The following VSTM4 variants were observed in gnomAD, a reference collection of about 807,000 sequenced individuals.
VSTM4 encodes the protein V-set and transmembrane domain containing 4, also known as V-set and transmembrane domain-containing protein 4.
A neutral mutation model predicts 36.4 loss-of-function variants in VSTM4; 20 were observed. The ratio of observed to expected loss-of-function variants is 0.55; its 90% CI spans 0.39 to 0.80. VSTM4 has a LOEUF of 0.80. Among genes scored for constraint, VSTM4 ranks in the 30% least tolerant of loss-of-function variants. VSTM4 has a pLI of 0.00. For missense variants in VSTM4, 392 were observed against 404.5 expected (o/e 0.97, Z 0.26); for synonymous variants, 182 against 173.9 (o/e 1.05, Z -0.37).
intron 2 of VSTM4, among the ~76,000 whole-genome samples, chr10:49,101,787 T>C (rs1007587866): frequency 3.3e-5 from 5 of 152,222 alleles, no homozygotes; most frequent in African/African-American, 1.2e-4. Flanking sequence ...TACAAGGATT[T>C]CACTGAAGCA....
rs939727963 is a variant in VSTM4 at position 49,088,757 on chromosome 10, T to C, written c.458-2734A>G. On this transcript the variant is annotated intron_variant, in intron 2 of 7. Coordinates refer to ENST00000332853, the MANE Select transcript of VSTM4 (RefSeq NM_001031746.5). ...CTGAAAAAGCTTGGCTGGATTTCCA[T>C]GGCTTCAGCTAATCAAGCCTAGATA... Among the ~76,000 whole-genome samples the C allele has an allele frequency of 2.4e-4, 36 of 152,250 alleles. 2 individuals are homozygous for C. Among genetic ancestry groups the C allele is most frequent in the Non-Finnish European group, 4.4e-5 (3 of 68,042 alleles).
At chr10:49,053,608 T>C (rs921630888) in intron 5 of VSTM4, among the ~76,000 whole-genome samples, 3 of 152,210 alleles carry the variant, frequency 2.0e-5, no homozygotes, top group African/African-American at 7.2e-5. Context: ...AAATAGCAAC[T>C]GACCCTAGTC....
intron 7 of VSTM4, among the ~76,000 whole-genome samples, chr10:49,031,703 T>C (rs1029971931): frequency 2.6e-5 from 4 of 152,206 alleles, no homozygotes; most frequent in Admixed American, 2.6e-4. Flanking sequence ...CTGCACACAG[T>C]TCTCCAGTGG....
chr10:49,019,964 T>C (rs754171765), intron 7 of VSTM4, among the ~76,000 whole-genome samples, 189 bp from the exon 8 acceptor site: 8 of 152,186 alleles, frequency 5.3e-5, no homozygotes, highest in Admixed American at 2.6e-4. Flanking sequence ...TTGTCTTCTA[T>C]AGAGCACTAC....
chr10:49,067,627 GGA>G (rs1388496033), intron 4 of VSTM4, among the ~76,000 whole-genome samples: 1 of 152,250 alleles, frequency 6.6e-6, no homozygotes, highest in East Asian at 1.9e-4. Context: ...CTAAAGCCCA[GGA>G]GAGAGGCTTC....
At chr10:49,077,643 C>T (rs1037023033) in intron 3 of VSTM4, among the ~76,000 whole-genome samples, 1 of 152,174 alleles carries the variant, frequency 6.6e-6, no homozygotes. Context: ...ATAAACCTCA[C>T]CTTTTATTCA....
At chr10:49,073,756 T>C (rs1272252204) in intron 4 of VSTM4, among the ~76,000 whole-genome samples, 1 of 152,150 alleles carries the variant, frequency 6.6e-6, no homozygotes, top group Non-Finnish European at 1.5e-5. Context: ...CTGTGATATA[T>C]AGGAAAGTCC....
At chr10:49,029,055 C>G (rs965590681) in intron 7 of VSTM4, among the ~76,000 whole-genome samples, 1 of 152,222 alleles carries the variant, frequency 6.6e-6, no homozygotes, top group African/African-American at 2.4e-5. Context: ...ACTGCACATA[C>G]AACTATAGCC....
intron 1 of VSTM4, among the ~76,000 whole-genome samples, chr10:49,111,453 A>G (rs997169130): frequency 3.3e-5 from 5 of 152,160 alleles, no homozygotes; most frequent in Non-Finnish European, 5.9e-5. Context: ...ATGCATGCCC[A>G]GCTTGTCAGA....
chr10:49,089,699 T>G (rs184806243), intron 2 of VSTM4, among the ~76,000 whole-genome samples: 3 of 152,346 alleles, frequency 2.0e-5, no homozygotes, highest in East Asian at 3.9e-4. Context: ...AGTCCTAATC[T>G]TACTTGTTCC....
chr10:49,065,864 C>T (rs1178165104), intron 4 of VSTM4, among the ~76,000 whole-genome samples: 2 of 152,050 alleles, frequency 1.3e-5, no homozygotes, highest in Admixed American at 6.6e-5. Flanking sequence ...TGGAACTGTA[C>T]AGGTTTATCT....
chr10:49,027,403 C>T (rs1843279400), intron 7 of VSTM4, among the ~76,000 whole-genome samples: 1 of 152,172 alleles, frequency 6.6e-6, no homozygotes, highest in Non-Finnish European at 1.5e-5. Context: ...TCCACTCATG[C>T]CTCCTGCTGT....
Position 49,088,336 on chromosome 10 carries a change from C to A in VSTM4, c.458-2313G>T, listed in dbSNP as rs117302833. 1.7e-3 allele frequency among the ~76,000 whole-genome samples: 263 copies of A among 152,264 alleles called. 4 individuals are homozygous for A. The East Asian group carries it at 0.046, about 27-fold the overall frequency. ...TTCCTCCCAAAGGAAGCAACCTGGACCTCCAGGAAGGAGCTCTTAGTGAAT... is the reference window on the plus strand; with the variant it reads ...TTCCTCCCAAAGGAAGCAACCTGGAACTCCAGGAAGGAGCTCTTAGTGAAT... On this transcript the variant is annotated intron_variant, in intron 2 of 7. Transcript: ENST00000332853.
intron 2 of VSTM4, among the ~76,000 whole-genome samples, chr10:49,091,538 C>A (rs879491634): frequency 6.6e-5 from 10 of 152,212 alleles, no homozygotes; most frequent in Non-Finnish European, 1.3e-4. Context: ...GAAACCATCA[C>A]TCAGAGAGGT....
In VSTM4 at chr10:49,032,909, G is replaced by A. The variant is rs114961398; in HGVS notation, c.838-13134C>T. Among the ~76,000 whole-genome samples, 742 of 150,896 alleles carry A rather than the reference G, an allele frequency of 4.9e-3. 8 individuals are homozygous for A. The highest frequency in any genetic ancestry group is 0.017 in the African/African-American group (707 of 41,204). On this transcript the variant is annotated intron_variant, in intron 7 of 7. Coordinates refer to ENST00000332853, the MANE Select transcript of VSTM4 (RefSeq NM_001031746.5). ...GAGAGAGAGGATATCTTCCATTGGT[G>A]AGGGTATGAGAAAGTGGTCACTCTG...
At chr10:49,026,057 C>T (rs1305500751) in intron 7 of VSTM4, among the ~76,000 whole-genome samples, 2 of 152,322 alleles carry the variant, frequency 1.3e-5, no homozygotes, top group East Asian at 1.9e-4. Context: ...GCTCCTTGCC[C>T]AGGGAAGCTA....
At chr10:49,020,708 A>AGAAG in intron 7 of VSTM4, among the ~76,000 whole-genome samples, 6 of 55,588 alleles carry the variant, frequency 1.1e-4, no homozygotes, top group African/African-American at 2.6e-4. Context: ...GAAGGAGGGA[A>AGAAG]GAAGGAAGGA....
chr10:49,084,715 ACATTAAT>A (rs1590117271), intron 3 of VSTM4, among the ~76,000 whole-genome samples: 1 of 152,254 alleles, frequency 6.6e-6, no homozygotes, highest in East Asian at 1.9e-4. Flanking sequence ...CCACCTTTGA[ACATTAAT>A]CAGCCTTTCA....
intron 3 of VSTM4, among the ~76,000 whole-genome samples, chr10:49,079,567 T>C (rs1445179052): frequency 6.6e-6 from 1 of 152,190 alleles, no homozygotes; most frequent in Non-Finnish European, 1.5e-5. Flanking sequence ...CCAACAGACA[T>C]TTACTATCAG....
Sources: gnomAD v4.1 joint callset for allele counts (sites outside exome capture counted in the v4.1 genomes callset) on GRCh38, gnomAD v4.1.1 for gene constraint, MANE v1.5 for transcripts, NCBI Gene and HGNC (gene_info 2026-07-23, HGNC 2026-07-21) for gene names.